HEATR5A: variants seen among roughly 807,000 people sequenced by gnomAD.
HEATR5A encodes the protein HEAT repeat-containing protein 5A.
A neutral mutation model predicts 218.8 loss-of-function variants in HEATR5A; 178 were observed. That is an observed-to-expected ratio of 0.81 (90% CI 0.72 to 0.92). The LOEUF (loss-of-function observed/expected upper bound fraction) is 0.92. HEATR5A is among the 40% of genes least tolerant of loss of function. The pLI, the probability that HEATR5A is intolerant of heterozygous loss-of-function variation, is 0.00. For synonymous variants in HEATR5A, 864 were observed against 871.6 expected (o/e 0.99, Z 0.15); for missense variants, 2,420 against 2,418.9 (o/e 1.00, Z -0.01).
chr14:31,329,126 C>T (rs1900374486), intron 22 of HEATR5A, among the ~76,000 whole-genome samples: 1 of 152,058 alleles, frequency 6.6e-6, no homozygotes, highest in South Asian at 2.1e-4. Flanking sequence ...ATTTACCTCC[C>T]ACCAGGTACC....
At chr14:31,307,429 T>C (rs759213116) in intron 30 of HEATR5A, among the ~76,000 whole-genome samples, 1 of 152,160 alleles carries the variant, frequency 6.6e-6, no homozygotes, top group Non-Finnish European at 1.5e-5. Flanking sequence ...TGACTCCACC[T>C]GTAGGCTAGC....
chr14:31,399,929 T>C (rs568409264), intron 3 of HEATR5A, among the ~76,000 whole-genome samples: 1 of 152,346 alleles, frequency 6.6e-6, no homozygotes, highest in South Asian at 2.1e-4. Context: ...GCTGTTCTTT[T>C]TAGGATCTTA....
intron 16 of HEATR5A, among the ~76,000 whole-genome samples, chr14:31,353,860 C>T (rs925371886): frequency 9.2e-5 from 14 of 151,862 alleles, no homozygotes; most frequent in Admixed American, 3.3e-4. Context: ...AGTGCAGTGG[C>T]GTGATCTCAA....
At chr14:31,336,205 TATACATAC>T (rs149832555) in intron 22 of HEATR5A, among the ~76,000 whole-genome samples, 801 of 19,322 alleles carry the variant, frequency 0.041, 29 homozygotes, top group Non-Finnish European at 0.086. Context: ...TATTTTTATA[TATACATAC>T]ATACATATAT....
intron 6 of HEATR5A, among the ~76,000 whole-genome samples, chr14:31,389,530 T>C (rs1316098253): frequency 6.6e-6 from 1 of 152,192 alleles, no homozygotes; most frequent in Non-Finnish European, 1.5e-5. Context: ...CTAAATTCAT[T>C]AAAACTACTC....
intron 17 of HEATR5A, among the ~76,000 whole-genome samples, 194 bp downstream of exon 17, chr14:31,350,418 G>A (rs1251762643): frequency 6.6e-6 from 1 of 152,094 alleles, no homozygotes; most frequent in African/African-American, 2.4e-5. Context: ...GAGATTATAG[G>A]TTTGATTTCT....
rs1900263192 is a variant in HEATR5A, at chr14:31,326,289, TGTCTA to T, written c.3416_3420del (p.Leu1139GlnfsTer5). 1 of 1,613,378 alleles carries T rather than the reference TGTCTA, an allele frequency of 6.2e-7. No homozygotes were observed. Among genetic ancestry groups the T allele is most frequent in the South Asian group, 1.1e-5 (1 of 91,058 alleles). On this transcript the variant is annotated frameshift_variant, in exon 23 of 36. Coordinates refer to ENST00000543095, the MANE Select transcript of HEATR5A (RefSeq NM_015473.4). LOFTEE classifies it high-confidence loss of function. ...TGGCATAATCTCTCATCTGTCTCCT[TGTCTA>T]GTAAGATCAACAATGCCCCCTCAAG... is the stretch of plus-strand genomic sequence containing the variant.
At chr14:31,306,608 T>G in intron 31 of HEATR5A, 124 bp downstream of exon 31, 1 of 981,432 alleles carries the variant, frequency 1.0e-6, no homozygotes, top group Non-Finnish European at 1.4e-6. Flanking sequence ...AATAAGGCCA[T>G]GCCTAGACAT....
chr14:31,361,171 G>A (rs117836227), intron 14 of HEATR5A, among the ~76,000 whole-genome samples: 278 of 152,196 alleles, frequency 1.8e-3, no homozygotes, highest in South Asian at 9.3e-3. Flanking sequence ...TTTAACCACC[G>A]TGCTGAATCA....
chr14:31,350,923 G>A (rs576183818), intron 16 of HEATR5A, among the ~76,000 whole-genome samples: 1 of 152,228 alleles, frequency 6.6e-6, no homozygotes, highest in East Asian at 1.9e-4. Flanking sequence ...GATTACAGGT[G>A]TGCACCACCA....
At chr14:31,302,225 C>T in intron 33 of HEATR5A, 70 bp downstream of exon 33, 1 of 1,101,332 alleles carries the variant, frequency 9.1e-7, no homozygotes, top group Non-Finnish European at 1.3e-6. Context: ...AGTAAAATAT[C>T]TTATCCTCAA....
In HEATR5A at chr14:31,350,013, T is replaced by A. The variant is rs115988917; in HGVS notation, c.2518-34A>T. ...TGTAAAGAACAACCCAAACTTACAA[T>A]TGTAGTAAATTCTCATATCCAGTTA... On this transcript the variant is annotated intron_variant, in intron 17 of 35. Coordinates refer to ENST00000543095, the MANE Select transcript of HEATR5A (RefSeq NM_015473.4). 6.2e-4 allele frequency: 860 copies of A among 1,392,626 alleles called. 8 individuals carry two copies. The African/African-American group carries it at 0.011, about 18-fold the overall frequency. The allele number at this position is 1,392,626 out of a possible 1,614,324, so 86.3% of individuals were successfully genotyped here. A position where few individuals can be genotyped will look rare whatever the true frequency, so the allele number is the denominator to read the frequency against.
chr14:31,399,921 T>C (rs2139303774), intron 3 of HEATR5A, among the ~76,000 whole-genome samples: 1 of 152,352 alleles, frequency 6.6e-6, no homozygotes, highest in African/African-American at 2.4e-5. Context: ...GAAACTAAGC[T>C]GTTCTTTTTA....
chr14:31,352,012 A>G (rs1232854606), intron 16 of HEATR5A, among the ~76,000 whole-genome samples: 1 of 152,150 alleles, frequency 6.6e-6, no homozygotes, highest in East Asian at 1.9e-4. Flanking sequence ...AAAATGTTCG[A>G]ATTTTCACAA....
chr14:31,411,444 A>T (rs1483102386), intron 1 of HEATR5A, among the ~76,000 whole-genome samples: 1 of 152,220 alleles, frequency 6.6e-6, no homozygotes, highest in Non-Finnish European at 1.5e-5. Flanking sequence ...GAAAACTACG[A>T]GTGCAGAAGT....
At chr14:31,379,674 A>C (rs537848089) in intron 11 of HEATR5A, among the ~76,000 whole-genome samples, 6 of 152,186 alleles carry the variant, frequency 3.9e-5, no homozygotes, top group Non-Finnish European at 8.8e-5. Context: ...TAAATAAATA[A>C]AGTTTTCAGT....
At chr14:31,415,494 C>G (rs2031415918) in intron 1 of HEATR5A, among the ~76,000 whole-genome samples, 1 of 152,220 alleles carries the variant, frequency 6.6e-6, no homozygotes, top group African/African-American at 2.4e-5. Flanking sequence ...GGGATAATGA[C>G]TGCAAATACC....
At chr14:31,311,087 A>G (rs1899735306) in intron 28 of HEATR5A, among the ~76,000 whole-genome samples, 1 of 152,088 alleles carries the variant, frequency 6.6e-6, no homozygotes, top group African/African-American at 2.4e-5. Flanking sequence ...ATACACACAC[A>G]CAAAACTAGT....
chr14:31,354,059 A>T (rs986023679), intron 16 of HEATR5A, among the ~76,000 whole-genome samples: 8 of 151,710 alleles, frequency 5.3e-5, no homozygotes, highest in Non-Finnish European at 1.0e-4. Flanking sequence ...TCGGCTTCCC[A>T]AAGTGCTGGG....
Sources: allele counts gnomAD v4.1 joint callset (sites outside exome capture counted in the v4.1 genomes callset), GRCh38; gene constraint gnomAD v4.1.1; transcripts MANE v1.5; gene names NCBI Gene and HGNC (gene_info 2026-07-23, HGNC 2026-07-21).